Variants in FGF13 observed in about 807,000 individuals in gnomAD.
FGF13 encodes the protein fibroblast growth factor 13, also known as fibroblast growth factor homologous factor 2.
A neutral mutation model predicts 19.5 loss-of-function variants in FGF13; 2 were observed. That is an observed-to-expected ratio of 0.10 (90% CI 0.04 to 0.32). The LOEUF (loss-of-function observed/expected upper bound fraction) is 0.32. Among genes scored for constraint, FGF13 ranks in the 10% least tolerant of loss-of-function variants. The pLI, the probability that FGF13 is intolerant of heterozygous loss-of-function variation, is 1.00. For missense variants in FGF13, 113 were observed against 192.7 expected (o/e 0.59, Z 2.45); for synonymous variants, 72 against 76.9 (o/e 0.94, Z 0.33).
At chrX:138,645,672 C>T (rs1025607610) in intron 3 of FGF13, among the ~76,000 whole-genome samples, 3 of 111,885 alleles carry the variant, frequency 2.7e-5, no homozygotes, top group Admixed American at 1.9e-4. Flanking sequence ...CCCCACCCCG[C>T]AACTTGAAAT....
chrX:138,663,584 A>G (rs1402795638), intron 3 of FGF13, among the ~76,000 whole-genome samples: 1 of 111,477 alleles, frequency 9.0e-6, no homozygotes, highest in East Asian at 2.8e-4. Context: ...GAGAATGATA[A>G]TATTTGTTTT....
chrX:139,004,181 A>T (rs1487796412), intron 1 of FGF13, among the ~76,000 whole-genome samples: 1 of 112,849 alleles, frequency 8.9e-6, no homozygotes, highest in Non-Finnish European at 1.9e-5. Context: ...GCAGGAAGGC[A>T]GCTAAGGCTC....
intron 1 of FGF13, among the ~76,000 whole-genome samples, chrX:139,054,861 A>T (rs1603164197): frequency 2.4e-5 from 2 of 81,955 alleles, no homozygotes; most frequent in South Asian, 1.5e-3. Context: ...TATATTCCTA[A>T]GTGTTGTGTT....
Position 139,068,658 on chromosome X carries a change from T to C in FGF13, c.-113+134758A>G, listed in dbSNP as rs1328549016. Among the ~76,000 whole-genome samples, 9 of 108,731 alleles carry C rather than the reference T, an allele frequency of 8.3e-5. No individual in the cohort carries two copies. In the Admixed American group the frequency reaches 8.9e-4, roughly 11 times the overall value. 94.4% of individuals were successfully genotyped at this position (108,731 alleles called of 115,157 possible). A position where few individuals can be genotyped will look rare whatever the true frequency, so the allele number is the denominator to read the frequency against. On this transcript the variant is annotated intron_variant, in intron 1 of 2. Coordinates refer to the FGF13 transcript ENST00000421460. ...CCATTTGTTTGTATCCTCTTTTATTTCCTTGAGCAGTGGTTTGTAGTTCTC... is the reference window on the plus strand; with the variant it reads ...CCATTTGTTTGTATCCTCTTTTATTCCCTTGAGCAGTGGTTTGTAGTTCTC...
intron 1 of FGF13, among the ~76,000 whole-genome samples, chrX:139,098,286 T>C (rs1281595621): frequency 9.0e-6 from 1 of 111,475 alleles, no homozygotes; most frequent in Non-Finnish European, 1.9e-5. Context: ...TTTTTTGACT[T>C]TTTAATAATG....
intron 1 of FGF13, among the ~76,000 whole-genome samples, chrX:138,735,375 A>T (rs1398242808): frequency 8.9e-6 from 1 of 111,770 alleles, no homozygotes; most frequent in Non-Finnish European, 1.9e-5. Context: ...ATAACTCTTC[A>T]TTCTCTAAGA....
At chrX:138,914,780 G>A (rs774671430) in intron 1 of FGF13, among the ~76,000 whole-genome samples, 23 of 110,907 alleles carry the variant, frequency 2.1e-4, no homozygotes, top group Admixed American at 3.8e-4. Flanking sequence ...GGAAGTAGTA[G>A]GAAAACTGCT....
chrX:138,852,367 A>G (rs765702883), intron 3 of FGF13, among the ~76,000 whole-genome samples: 1 of 111,528 alleles, frequency 9.0e-6, no homozygotes, highest in Non-Finnish European at 1.9e-5. Flanking sequence ...ACATACAACA[A>G]TGGAACAGAA....
intron 1 of FGF13, among the ~76,000 whole-genome samples, chrX:139,171,272 C>T (rs12857117): frequency 0.19 from 21,359 of 111,202 alleles, 1,607 homozygotes; most frequent in African/African-American, 0.23. Context: ...AAGAAGAATC[C>T]GTATTAGAAA....
chrX:138,728,801 A>C (rs12836780), intron 1 of FGF13, among the ~76,000 whole-genome samples: 40,723 of 109,376 alleles, frequency 0.37, 6,499 homozygotes, highest in African/African-American at 0.6. Flanking sequence ...TAAGAGAGAA[A>C]ACACCCTCCT....
chrX:138,803,289 C>T (rs759368767), intron 3 of FGF13, among the ~76,000 whole-genome samples: 1 of 112,115 alleles, frequency 8.9e-6, no homozygotes, highest in South Asian at 3.7e-4. Flanking sequence ...GCTGAAAGCA[C>T]GTGAGGATGA....
Position 139,022,683 on chromosome X carries a change from A to G in FGF13, c.-112-158033T>C, listed in dbSNP as rs1049511005. Among the ~76,000 whole-genome samples, 5 of 111,148 alleles carry G rather than the reference A, an allele frequency of 4.5e-5. No individual in the cohort carries two copies. The South Asian group carries it at 1.5e-3, about 34-fold the overall frequency. On this transcript the variant is annotated intron_variant, in intron 1 of 2. Transcript: ENST00000421460. ...ATGTACCCACCAAGGATAGCAACCCAAAGTTGCTACTTTATCAGGGAGACC... is the reference window on the plus strand; with the variant it reads ...ATGTACCCACCAAGGATAGCAACCCGAAGTTGCTACTTTATCAGGGAGACC...
At chrX:138,929,878 G>GTT (rs1424566828) in intron 1 of FGF13, among the ~76,000 whole-genome samples, 12 of 108,354 alleles carry the variant, frequency 1.1e-4, no homozygotes, top group African/African-American at 3.4e-4. Context: ...GTGTGTGTGT[G>GTT]TGTGTGTGTG....
intron 3 of FGF13, among the ~76,000 whole-genome samples, chrX:138,826,796 A>G (rs1360771523): frequency 8.9e-6 from 1 of 112,392 alleles, no homozygotes; most frequent in African/African-American, 3.2e-5. Context: ...CCTCTTTATA[A>G]ATCCAAATAC....
At chrX:138,652,684 A>G (rs962066856) in intron 3 of FGF13, among the ~76,000 whole-genome samples, 1 of 112,293 alleles carries the variant, frequency 8.9e-6, no homozygotes, top group African/African-American at 3.2e-5. Flanking sequence ...TAAAATTATA[A>G]ATCAGCATCT....
chrX:138,750,678 A>T (rs186152972), intron 3 of FGF13, among the ~76,000 whole-genome samples: 29 of 111,475 alleles, frequency 2.6e-4, no homozygotes, highest in African/African-American at 9.5e-4. Context: ...ATACACATAC[A>T]TTCAGTGTTA....
intron 1 of FGF13, among the ~76,000 whole-genome samples, chrX:138,950,432 C>T (rs769813963): frequency 8.9e-6 from 1 of 111,944 alleles, no homozygotes; most frequent in African/African-American, 3.2e-5. Flanking sequence ...CTTTGAAGCA[C>T]TCATATTCTC....
At chrX:138,944,149 A>G (rs1395363928) in intron 1 of FGF13, among the ~76,000 whole-genome samples, 2 of 111,347 alleles carry the variant, frequency 1.8e-5, no homozygotes, top group Non-Finnish European at 3.8e-5. Context: ...ATTGAGACTC[A>G]GGAAACACAA....
intron 1 of FGF13, among the ~76,000 whole-genome samples, chrX:139,065,470 C>G (rs762889705): frequency 3.4e-5 from 2 of 59,587 alleles, no homozygotes; most frequent in African/African-American, 1.4e-4. Flanking sequence ...ATTTACCAAG[C>G]AAACGGAAAG....
Sources: allele counts gnomAD v4.1 joint callset (sites outside exome capture counted in the v4.1 genomes callset), GRCh38; gene constraint gnomAD v4.1.1; transcripts MANE v1.5; gene names NCBI Gene and HGNC (gene_info 2026-07-23, HGNC 2026-07-21).